SIDT1: variants seen among roughly 807,000 people sequenced by gnomAD.
SIDT1 encodes SID1 transmembrane family, member 1.
In SIDT1, 101 loss-of-function variants were observed where a neutral mutation model predicts 107.5. That is an observed-to-expected ratio of 0.94 (90% confidence interval 0.80 to 1.11). The LOEUF (loss-of-function observed/expected upper bound fraction) is 1.11. SIDT1 is among the 50% of genes least tolerant of loss of function. The pLI is 0.00. For missense variants in SIDT1, 1,076 were observed against 1,058.2 expected (o/e 1.02, Z -0.23); for synonymous variants, 395 against 398.2 (o/e 0.99, Z 0.10).
Position 113,623,504 on chromosome 3 carries a change from T to A in SIDT1, c.2168T>A (p.Leu723Gln). Reference sequence around the variant, plus strand: ...GGCATCTTCATCTGTAACCTTTTGCTGTACCTGGCCTTTTACATCATCATG... The same window carrying A: ...GGCATCTTCATCTGTAACCTTTTGCAGTACCTGGCCTTTTACATCATCATG... Reference protein sequence around the residue: ...MLGIFICNLLLYLAFYIIMKL... With the variant: ...MLGIFICNLLQYLAFYIIMKL... The change falls in exon 22 of 25, where the codon CTG becomes CAG. Residue 723 changes from leucine to glutamine, a missense_variant. Leu to Gln is a moderately radical substitution (Grantham distance 113). Coordinates refer to ENST00000264852, the MANE Select transcript of SIDT1 (RefSeq NM_017699.3). 1 of 1,614,058 alleles carries A rather than the reference T, an allele frequency of 6.2e-7. No individual in the cohort carries two copies. The highest frequency in any genetic ancestry group is 8.5e-7 in the Non-Finnish European group (1 of 1,179,924).
chr3:113,576,951 GC>G lies in SIDT1; in HGVS notation c.549del (p.Ser184LeufsTer57). On this transcript the variant is annotated frameshift_variant, in exon 4 of 25. Coordinates refer to ENST00000264852, the MANE Select transcript of SIDT1 (RefSeq NM_017699.3). LOFTEE classifies it high-confidence loss of function. Reference sequence around the variant, plus strand: ...AATGTTGCCTTTCACTTTACTGCCAGCCCCTCTCAACCTCAGGTAAGTGAAG... The same window carrying G: ...AATGTTGCCTTTCACTTTACTGCCAGCCCTCTCAACCTCAGGTAAGTGAAG... ...RTNVAFHFTASPSQPQYFLYK... is the reference protein window; with the variant it reads ...RTNVAFHFTAXPSQPQYFLYK... 1 of 1,614,116 alleles carries G rather than the reference GC, an allele frequency of 6.2e-7. No homozygotes were observed. The highest frequency in any genetic ancestry group is 8.5e-7 in the Non-Finnish European group (1 of 1,180,012).
chr3:113,620,192 ATG>A (rs3085042), intron 21 of SIDT1, among the ~76,000 whole-genome samples: 2,339 of 144,414 alleles, frequency 0.016, 24 homozygotes, highest in African/African-American at 0.033. Flanking sequence ...CTTTTACTAA[ATG>A]TGTGTGTGTG....
intron 19 of SIDT1, among the ~76,000 whole-genome samples, chr3:113,613,911 C>T (rs949942681): frequency 6.6e-6 from 1 of 152,108 alleles, no homozygotes; most frequent in Admixed American, 6.5e-5. Flanking sequence ...GTTAGGGTCC[C>T]AACAGGAAAA....
Position 113,577,953 on chromosome 3 carries a change from T to G in SIDT1, c.561+986T>G, listed in dbSNP as rs1943030732. 2.0e-5 allele frequency among the ~76,000 whole-genome samples: 3 copies of G among 152,336 alleles called. No homozygotes were observed. In the South Asian group the frequency reaches 6.2e-4, roughly 32 times the overall value. On this transcript the variant is annotated intron_variant, in intron 4 of 24. Transcript: ENST00000264852. ...TGTCACTGAACAGCTGGGAAGTGAC[T>G]AATGCACAATCAGCTCTCCCAAGCC...
intron 3 of SIDT1, among the ~76,000 whole-genome samples, chr3:113,568,074 C>T (rs753102175): frequency 1.3e-5 from 2 of 152,112 alleles, no homozygotes; most frequent in African/African-American, 2.4e-5. Flanking sequence ...AGACATTAAG[C>T]TATTTTTCTT....
intron 17 of SIDT1, 50 bp downstream of exon 17, chr3:113,608,586 C>T (rs1301685329): frequency 7.5e-7 from 1 of 1,336,568 alleles, no homozygotes; most frequent in Non-Finnish European, 1.1e-6. Context: ...CAGTCTTATC[C>T]TGGAACCCTC....
rs1318157516 is a variant in SIDT1, at chr3:113,533,008, G to A, written c.-14G>A. 7.4e-7 allele frequency: 1 copy of A among 1,347,240 alleles called. No individual in the cohort carries two copies. Among genetic ancestry groups the A allele is most frequent in the African/African-American group, 1.5e-5 (1 of 65,124 alleles). The allele number at this position is 1,347,240 out of a possible 1,614,324, so 83.5% of individuals were successfully genotyped here. ...AGGGTGGCTCCGCTTTCGAGCCCGG[G>A]CGCGGTGCCCACCATGCGCGGCTGC... On this transcript the variant is annotated 5_prime_UTR_variant, in exon 1 of 25. Coordinates refer to ENST00000264852, the MANE Select transcript of SIDT1 (RefSeq NM_017699.3).
chr3:113,612,370 A>G (rs768398551), intron 19 of SIDT1, 176 bp downstream of exon 19: 1 of 671,058 alleles, frequency 1.5e-6, no homozygotes, highest in Non-Finnish European at 2.7e-6. Context: ...CCCTTATAGG[A>G]TAGTGATAAG....
At chr3:113,590,201 G>A (rs541307488) in intron 9 of SIDT1, 6 of 152,274 alleles carry the variant, frequency 3.9e-5, no homozygotes, top group African/African-American at 1.4e-4. Flanking sequence ...GAGAACAAAA[G>A]CCAAAGCCCT....
intron 7 of SIDT1, 103 bp downstream of exon 7, chr3:113,583,599 G>C: frequency 1.3e-6 from 1 of 768,734 alleles, no homozygotes; most frequent in Non-Finnish European, 2.0e-6. Flanking sequence ...ACAAGGGTTG[G>C]TTCCATCATC....
intron 9 of SIDT1, among the ~76,000 whole-genome samples, chr3:113,591,502 G>A (rs113061232): frequency 3.2e-4 from 49 of 152,064 alleles, no homozygotes; most frequent in African/African-American, 1.1e-3. Flanking sequence ...AAAGAAGAAC[G>A]TTAAAGGATT....
downstream of SIDT1, among the ~76,000 whole-genome samples, chr3:113,630,897 C>T (rs1029638596): frequency 2.0e-5 from 3 of 152,172 alleles, no homozygotes; most frequent in African/African-American, 7.2e-5. Context: ...CCTCCAGGGG[C>T]TCTTCATTGA....
chr3:113,604,425 G>A (rs1294406526), intron 13 of SIDT1, among the ~76,000 whole-genome samples: 2 of 152,288 alleles, frequency 1.3e-5, no homozygotes, highest in African/African-American at 4.8e-5. Context: ...ACCCTTTCAC[G>A]TGATCCGTCA....
At chr3:113,598,510 G>A (rs989898889) in intron 10 of SIDT1, among the ~76,000 whole-genome samples, 3 of 152,024 alleles carry the variant, frequency 2.0e-5, no homozygotes, top group African/African-American at 4.8e-5. Context: ...CTATGTGCAC[G>A]TAACATCAAA....
intron 20 of SIDT1, among the ~76,000 whole-genome samples, chr3:113,616,755 C>G (rs974908593): frequency 1.1e-4 from 16 of 150,738 alleles, no homozygotes; most frequent in African/African-American, 3.7e-4. Flanking sequence ...GTGGCGCGAT[C>G]TTGGCTCACC....
intron 1 of SIDT1, among the ~76,000 whole-genome samples, chr3:113,551,285 T>C (rs911922021): frequency 1.3e-5 from 2 of 152,320 alleles, no homozygotes; most frequent in Non-Finnish European, 2.9e-5. Context: ...TACCCAGTAA[T>C]GTGATTACTG....
At chr3:113,587,297 T>C (rs984509524) in intron 9 of SIDT1, among the ~76,000 whole-genome samples, 2 of 152,198 alleles carry the variant, frequency 1.3e-5, no homozygotes, top group African/African-American at 2.4e-5. Flanking sequence ...TTTGAATCTA[T>C]TTAAAGGATA....
chr3:113,601,179 A>G (rs1296641705), intron 10 of SIDT1, among the ~76,000 whole-genome samples: 1 of 152,228 alleles, frequency 6.6e-6, no homozygotes, highest in Non-Finnish European at 1.5e-5. Context: ...AAATTAATGG[A>G]CACATAAAAA....
intron 1 of SIDT1, among the ~76,000 whole-genome samples, chr3:113,540,554 C>G (rs1308863706): frequency 6.6e-6 from 1 of 151,884 alleles, no homozygotes; most frequent in Non-Finnish European, 1.5e-5. Context: ...TTGCATAGAC[C>G]CTGTTAGTGC....
Sources: allele counts gnomAD v4.1 joint callset (sites outside exome capture counted in the v4.1 genomes callset), GRCh38; gene constraint gnomAD v4.1.1; transcripts MANE v1.5; gene names NCBI Gene and HGNC (gene_info 2026-07-23, HGNC 2026-07-21).